ODAD2: variants seen among roughly 807,000 people sequenced by gnomAD.
ODAD2 encodes outer dynein arm docking complex subunit 2.
Under a neutral mutation model 106.8 loss-of-function variants are expected in ODAD2, and 89 were observed. The observed-to-expected ratio is 0.83, with a 90% CI of 0.70 to 0.99. The LOEUF (loss-of-function observed/expected upper bound fraction) is 0.99, where lower values mean the gene tolerates loss of function less well. Ranked by LOEUF, ODAD2 falls within the 50% of genes least tolerant of loss-of-function variation. The probability of loss-of-function intolerance (pLI) is 0.00; values close to 1 mark genes in which losing one functional copy is unlikely to be tolerated. For synonymous variants in ODAD2, 404 were observed against 436.2 expected (o/e 0.93, Z 0.92); for missense variants, 1,168 against 1,238.5 (o/e 0.94, Z 0.85).
chr10:27,958,384 T>C (rs1324052470), intron 10 of ODAD2, among the ~76,000 whole-genome samples: 2 of 152,198 alleles, frequency 1.3e-5, no homozygotes, highest in Admixed American at 1.3e-4. Context: ...CTCTTTGCCA[T>C]GTTCACTGGG....
chr10:27,979,158 C>T (rs1371523358), intron 7 of ODAD2, among the ~76,000 whole-genome samples: 2 of 146,776 alleles, frequency 1.4e-5, no homozygotes, highest in East Asian at 2.0e-4. Context: ...AAGGTTGCAG[C>T]GAGCCAAGAT....
chr10:27,981,679 T>A, intron 6 of ODAD2, 97 bp from the exon 7 acceptor site: 1 of 889,298 alleles, frequency 1.1e-6, no homozygotes, highest in Non-Finnish European at 1.7e-6. Flanking sequence ...ATTATTTTCA[T>A]CTCCGAAGGA....
intron 17 of ODAD2, among the ~76,000 whole-genome samples, chr10:27,904,058 TA>T (rs1843407088): frequency 6.6e-6 from 1 of 152,210 alleles, no homozygotes; most frequent in South Asian, 2.1e-4. Flanking sequence ...TTTGGAGTTT[TA>T]AAAAACTCTT....
At chr10:27,841,595 C>G (rs1838311065) in intron 19 of ODAD2, among the ~76,000 whole-genome samples, 1 of 151,840 alleles carries the variant, frequency 6.6e-6, no homozygotes, top group Non-Finnish European at 1.5e-5. Flanking sequence ...GGGGTTTCAC[C>G]ATGTTGGCCA....
chr10:27,935,320 C>A (rs1339052136), intron 15 of ODAD2, 68 bp from the exon 16 acceptor site: 4 of 1,567,142 alleles, frequency 2.6e-6, no homozygotes, highest in Non-Finnish European at 3.5e-6. Context: ...ACTAAATGTT[C>A]ATTCAATCCT....
chr10:27,943,219 T>C (rs535997175), intron 12 of ODAD2, among the ~76,000 whole-genome samples: 1 of 152,356 alleles, frequency 6.6e-6, no homozygotes, highest in South Asian at 2.1e-4. Flanking sequence ...TTCTGGTATT[T>C]TTCTTTTGAT....
At chr10:27,878,148 G>A (rs1165764217) in intron 17 of ODAD2, among the ~76,000 whole-genome samples, 1 of 151,984 alleles carries the variant, frequency 6.6e-6, no homozygotes, top group African/African-American at 2.4e-5. Context: ...CATTCCCTAA[G>A]ACAAACAAAA....
intron 16 of ODAD2, among the ~76,000 whole-genome samples, chr10:27,924,075 A>G (rs1845060215): frequency 6.6e-6 from 1 of 151,952 alleles, no homozygotes; most frequent in Non-Finnish European, 1.5e-5. Flanking sequence ...AGAAAGAAAG[A>G]GAATCCCAGT....
chr10:27,899,998 GACC>G (rs1843088370), intron 17 of ODAD2, among the ~76,000 whole-genome samples: 6 of 152,146 alleles, frequency 3.9e-5, no homozygotes, highest in Non-Finnish European at 8.8e-5. Context: ...GTCGGTCTCT[GACC>G]CCAGTGCCTC....
At chr10:27,957,790 A>T (rs1195163751) in intron 10 of ODAD2, among the ~76,000 whole-genome samples, 1 of 152,216 alleles carries the variant, frequency 6.6e-6, no homozygotes, top group Non-Finnish European at 1.5e-5. Flanking sequence ...CTCTGGACGA[A>T]TAATAAGCTA....
intron 10 of ODAD2, among the ~76,000 whole-genome samples, chr10:27,950,996 A>T (rs1847292135): frequency 6.6e-6 from 1 of 152,206 alleles, no homozygotes; most frequent in Non-Finnish European, 1.5e-5. Flanking sequence ...GTTTAACTTG[A>T]AAAAAGTTCC....
At chr10:27,859,078 C>T (rs561569922) in intron 19 of ODAD2, among the ~76,000 whole-genome samples, 3 of 150,270 alleles carry the variant, frequency 2.0e-5, no homozygotes, top group Non-Finnish European at 4.4e-5. Flanking sequence ...AGACTGCATA[C>T]TTAGGTTGTG....
At chr10:27,995,681 T>C (rs1440141864) in intron 1 of ODAD2, 1 of 152,938 alleles carries the variant, frequency 6.5e-6, no homozygotes, top group East Asian at 1.9e-4. Context: ...CAATGATGAC[T>C]GAAGAACATG....
intron 16 of ODAD2, among the ~76,000 whole-genome samples, chr10:27,916,617 T>C (rs1409737510): frequency 2.6e-5 from 4 of 152,310 alleles, no homozygotes; most frequent in African/African-American, 9.6e-5. Flanking sequence ...ATGACCAAGA[T>C]GAAGATCTTT....
intron 10 of ODAD2, among the ~76,000 whole-genome samples, chr10:27,959,645 G>T (rs1334493775): frequency 1.3e-5 from 2 of 152,184 alleles, no homozygotes; most frequent in Non-Finnish European, 1.5e-5. Flanking sequence ...TTCCCGACAG[G>T]TTAATCTTCA....
Position 27,984,202 on chromosome 10 carries a change from A to T in ODAD2, c.664T>A (p.Ser222Thr), listed in dbSNP as rs761227155. The T allele has an allele frequency of 1.9e-6, 3 of 1,612,814 alleles. No homozygotes were observed. In the South Asian group the frequency reaches 3.3e-5, roughly 18 times the overall value. The change falls in exon 5 of 20, where the codon TCT (serine) becomes ACT (threonine). Residue 222 changes from serine (S) to threonine (T), a missense_variant. Physicochemically the swap from Ser to Thr is moderately conservative, Grantham distance 58. This residue lies in a region of ODAD2 where 430 missense variants were observed against 452.2 expected (regional missense o/e 0.95). Transcript: ENST00000305242. ...SGKGNQTVLE[S>T]IEYTSDYEFS... ...ATCAAACCTGAGGTATATTCAATAG[A>T]TTCCAAGACTGTTTGGTTTCCTTTT...
In ODAD2 at chr10:27,997,746, C is replaced by A. The variant is rs372275699; in HGVS notation, c.-39+1248G>T. Among the ~76,000 whole-genome samples, 17 of 152,168 alleles carry A rather than the reference C, an allele frequency of 1.1e-4. No individual in the cohort carries two copies. In the East Asian group the frequency reaches 3.3e-3, roughly 29 times the overall value. On this transcript the variant is annotated intron_variant, in intron 1 of 19. Transcript: ENST00000305242. Reference sequence around the variant, plus strand: ...AATAAATAAATAAATAAATGGTGTTCAAAAATGGTCGGCATAACTCAAAAC... The same window carrying A: ...AATAAATAAATAAATAAATGGTGTTAAAAAATGGTCGGCATAACTCAAAAC...
intron 16 of ODAD2, among the ~76,000 whole-genome samples, chr10:27,929,620 C>T (rs984917539): frequency 2.0e-5 from 3 of 152,094 alleles, no homozygotes; most frequent in Non-Finnish European, 4.4e-5. Context: ...TCAGGGAGAG[C>T]TAGAGAGTAC....
At chr10:27,862,252 A>C (rs1186977212) in intron 18 of ODAD2, among the ~76,000 whole-genome samples, 182 bp downstream of exon 18, 1 of 152,216 alleles carries the variant, frequency 6.6e-6, no homozygotes, top group Non-Finnish European at 1.5e-5. Flanking sequence ...TTATAGTTTA[A>C]AATACGCTTT....
Sources: allele counts gnomAD v4.1 joint callset (sites outside exome capture counted in the v4.1 genomes callset), GRCh38; gene constraint gnomAD v4.1.1; regional missense constraint gnomAD v4.1.1; transcripts MANE v1.5; gene names NCBI Gene and HGNC (gene_info 2026-07-23, HGNC 2026-07-21).